SERHL2: variants seen among roughly 807,000 people sequenced by gnomAD.
SERHL2 encodes serine hydrolase like 2, also known as serine hydrolase-like protein 2.
A neutral mutation model predicts 25.5 loss-of-function variants in SERHL2; 29 were observed. The observed-to-expected ratio is 1.14, with a 90% CI of 0.85 to 1.55. The LOEUF is 1.55. SERHL2 is among the 40% of genes most tolerant of loss of function. The probability of loss-of-function intolerance (pLI) is 0.00; values close to 1 mark genes in which losing one functional copy is unlikely to be tolerated. For synonymous variants in SERHL2, 95 were observed against 103.5 expected, an observed-to-expected ratio of 0.92 and a Z score of 0.50; for missense variants, 240 against 252.3, an observed-to-expected ratio of 0.95 and a Z score of 0.33.
intron 9 of SERHL2, among the ~76,000 whole-genome samples, chr22:42,566,556 A>G (rs1406023259): frequency 2.3e-5 from 3 of 131,622 alleles, no homozygotes; most frequent in African/African-American, 9.4e-5. Context: ...ACTCCATCTC[A>G]AGAAAAAAAA....
At chr22:42,564,967 C>CGCGCGCGTGT (rs1555999435) in intron 8 of SERHL2, 4 of 150,528 alleles carry the variant, frequency 2.7e-5, no homozygotes, top group East Asian at 2.0e-4. Flanking sequence ...TCGGCGCGCG[C>CGCGCGCGTGT]GTGTGTGTGT....
At chr22:42,560,131 C>G in intron 7 of SERHL2, 55 bp from the exon 8 acceptor site, 1 of 1,387,512 alleles carries the variant, frequency 7.2e-7, no homozygotes, top group Non-Finnish European at 1.0e-6. Flanking sequence ...TCCTTTTTAT[C>G]TGACCTCCTT....
rs200900344 is a variant in SERHL2 at position 42,560,218 on chromosome 22, A to C, written c.566A>C (p.Glu189Ala). The C allele has an allele frequency of 5.6e-6, 9 of 1,613,048 alleles. No individual in the cohort carries two copies. In the African/African-American group the frequency reaches 1.2e-4, roughly 22 times the overall value. ...LLKSNSHLSE[E>A]CGELLLQRGT... Reference sequence around the variant, plus strand: ...AAGAGCAATAGCCACTTGAGTGAGGAGTGCGGGGAGCTTCTCCTGCAAAGA... The same window carrying C: ...AAGAGCAATAGCCACTTGAGTGAGGCGTGCGGGGAGCTTCTCCTGCAAAGA... Residue 189 changes from glutamate to alanine, a missense_variant, in exon 8 of 12, where the codon GAG becomes GCG. Glu to Ala is a moderately radical substitution (Grantham distance 107). Coordinates refer to ENST00000327678, the MANE Select transcript of SERHL2 (RefSeq NM_014509.5).
chr22:42,570,762 G>A (rs1047156903), intron 9 of SERHL2, among the ~76,000 whole-genome samples: 2 of 152,138 alleles, frequency 1.3e-5, no homozygotes, highest in South Asian at 2.1e-4. Flanking sequence ...ACTGGGAAAG[G>A]GGTGTGGAAG....
chr22:42,568,702 T>C (rs1294826144), intron 9 of SERHL2, among the ~76,000 whole-genome samples: 1 of 151,994 alleles, frequency 6.6e-6, no homozygotes, highest in African/African-American at 2.4e-5. Context: ...CAGTTGCTCA[T>C]GCCTGTAATC....
Position 42,574,014 on chromosome 22 carries a change from T to A in SERHL2, c.904T>A (p.Ser302Thr), listed in dbSNP as rs1268380458. ...CCAGCACGTGGCCAGTATCATCAGC[T>A]CCTTCTTACAGTGCACACACATGCT... is the stretch of plus-strand genomic sequence containing the variant. ...EPQHVASIIS[S>T]FLQCTHMLPA... The change falls in exon 12 of 12, where the codon TCC becomes ACC. Residue 302 changes from serine (S) to threonine (T), a missense_variant. By Grantham distance (58) the Ser-to-Thr change is moderately conservative. Around this residue, in one of 4 missense-constraint regions of SERHL2, gnomAD observed 212 missense variants for 168.9 expected, o/e 1.25. Transcript: ENST00000327678. 3 of 1,597,036 alleles carry A rather than the reference T, an allele frequency of 1.9e-6. No individual in the cohort carries two copies. In the African/African-American group the frequency reaches 4.1e-5, roughly 22 times the overall value.
At chr22:42,568,833 G>A (rs1373713159) in intron 9 of SERHL2, among the ~76,000 whole-genome samples, 2 of 151,812 alleles carry the variant, frequency 1.3e-5, no homozygotes, top group Non-Finnish European at 2.9e-5. Flanking sequence ...GGGTGTGGTG[G>A]CACACACCTG....
chr22:42,572,713 A>T, intron 11 of SERHL2, 184 bp downstream of exon 11: 1 of 984,830 alleles, frequency 1.0e-6, no homozygotes, highest in Non-Finnish European at 1.2e-6. Context: ...GGACACATGT[A>T]ATCAGAATTA....
At chr22:42,563,854 A>G (rs2146702650) in intron 8 of SERHL2, among the ~76,000 whole-genome samples, 1 of 151,976 alleles carries the variant, frequency 6.6e-6, no homozygotes, top group South Asian at 2.1e-4. Context: ...TGGGTGAATC[A>G]CCTGATGTTG....
chr22:42,567,352 TC>T (rs1283724081), intron 9 of SERHL2, among the ~76,000 whole-genome samples: 1 of 151,794 alleles, frequency 6.6e-6, no homozygotes, highest in Non-Finnish European at 1.5e-5. Context: ...TTTCTTTTTT[TC>T]TTTTTTGTGT....
chr22:42,571,263 C>G, intron 10 of SERHL2, 60 bp downstream of exon 10: 1 of 1,605,584 alleles, frequency 6.2e-7, no homozygotes, highest in Non-Finnish European at 8.5e-7. Context: ...CCAGGAATCT[C>G]CGGGAGGGGG....
chr22:42,568,187 C>T (rs1408241138), intron 9 of SERHL2, among the ~76,000 whole-genome samples: 3 of 122,932 alleles, frequency 2.4e-5, no homozygotes, highest in Admixed American at 1.8e-4. Context: ...CCACACCCAG[C>T]TAAATTTTTT....
chr22:42,559,817 T>C (rs1477629348), intron 7 of SERHL2, among the ~76,000 whole-genome samples: 3 of 151,902 alleles, frequency 2.0e-5, no homozygotes, highest in African/African-American at 7.2e-5. Flanking sequence ...GTTGTTGTTG[T>C]GTTTTGTTTT....
intron 9 of SERHL2, among the ~76,000 whole-genome samples, chr22:42,566,570 AAAAG>A: frequency 6.6e-6 from 1 of 150,388 alleles, no homozygotes; most frequent in East Asian, 1.9e-4. Context: ...AAAAAAAAAC[AAAAG>A]AAATTATATA....
chr22:42,566,942 G>A (rs1251025927), intron 9 of SERHL2, among the ~76,000 whole-genome samples: 2 of 152,120 alleles, frequency 1.3e-5, no homozygotes, highest in Non-Finnish European at 2.9e-5. Flanking sequence ...GTTGTCTCAC[G>A]TGCAAAAAGA....
At chr22:42,560,475 T>C (rs1048217123) in intron 8 of SERHL2, among the ~76,000 whole-genome samples, 1 of 151,910 alleles carries the variant, frequency 6.6e-6, no homozygotes. Flanking sequence ...ATACAGTTAC[T>C]GCACATCCCA....
intron 8 of SERHL2, among the ~76,000 whole-genome samples, chr22:42,561,255 G>A (rs995875649): frequency 3.3e-5 from 5 of 151,872 alleles, no homozygotes; most frequent in Non-Finnish European, 7.4e-5. Flanking sequence ...GAGGGAGATG[G>A]TGTCGTCGGA....
Position 42,572,448 on chromosome 22 carries a change from A to T in SERHL2, c.744A>T (p.Gly248=). Residue 248 remains glycine (G), a synonymous_variant, in exon 11 of 12, where the codon GGA becomes GGT. Transcript: ENST00000327678. ...CCTCACTTTCCAGAGCAGTCCACGG[A>T]TATTTTGATTCAAGACAGAATTACT... The part of the protein sequence containing the change: ...AHVLLIKAVH[G]YFDSRQNYSE... 1.2e-6 allele frequency: 2 copies of T among 1,610,546 alleles called. No individual in the cohort carries two copies. The highest frequency in any genetic ancestry group is 1.7e-6 in the Non-Finnish European group (2 of 1,177,124).
At chr22:42,570,258 C>T (rs954133765) in intron 9 of SERHL2, among the ~76,000 whole-genome samples, 2 of 151,994 alleles carry the variant, frequency 1.3e-5, no homozygotes, top group Non-Finnish European at 2.9e-5. Context: ...CCTGTCGCTA[C>T]TAAAAATACA....
Sources: gnomAD v4.1 joint callset for allele counts (sites outside exome capture counted in the v4.1 genomes callset) on GRCh38, gnomAD v4.1.1 for gene constraint, gnomAD v4.1.1 regional missense constraint, MANE v1.5 for transcripts, NCBI Gene and HGNC (gene_info 2026-07-23, HGNC 2026-07-21) for gene names.